The following NUMB variants were observed in gnomAD, a reference collection of about 807,000 sequenced individuals.
NUMB encodes protein numb homolog.
In NUMB, 29 loss-of-function variants were observed where a neutral mutation model predicts 59.7. The observed-to-expected ratio is 0.49, with a 90% CI of 0.36 to 0.66. The LOEUF is 0.66. NUMB is among the 30% of genes least tolerant of loss of function. The probability of loss-of-function intolerance (pLI) is 0.00; values close to 1 mark genes in which losing one functional copy is unlikely to be tolerated. For missense variants in NUMB, 723 were observed against 822.0 expected, an observed-to-expected ratio of 0.88 and a Z score of 1.47; for synonymous variants, 288 against 288.2, an observed-to-expected ratio of 1.00 and a Z score of 0.01.
At chr14:73,301,519 C>T (rs1012694751) in intron 6 of NUMB, among the ~76,000 whole-genome samples, 2 of 152,190 alleles carry the variant, frequency 1.3e-5, no homozygotes, top group Admixed American at 1.3e-4. Flanking sequence ...CTCACTGCAG[C>T]CTTGAACTCC....
rs199802944 is a variant in NUMB, at chr14:73,407,171, A to AC, written c.-101+2765dup. ...TCTTGTTTTTAAATGCAAAAAAAAA[A>AC]CAAAAAAAACAAACTCACTCCTGTC... On this transcript the variant is annotated intron_variant, in intron 2 of 12. Transcript: ENST00000555238. Among the ~76,000 whole-genome samples the AC allele has an allele frequency of 1.4e-3, 220 of 152,058 alleles. 2 individuals are homozygous for AC. The highest frequency in any genetic ancestry group is 5.2e-3 in the African/African-American group (214 of 41,504).
chr14:73,425,160 G>A (rs1897525030), intron 1 of NUMB, among the ~76,000 whole-genome samples: 1 of 152,100 alleles, frequency 6.6e-6, no homozygotes, highest in South Asian at 2.1e-4. Flanking sequence ...CATCTACACA[G>A]GTTAAACTGA....
intron 3 of NUMB, among the ~76,000 whole-genome samples, chr14:73,358,906 G>C (rs1893955007): frequency 6.6e-6 from 1 of 152,056 alleles, no homozygotes; most frequent in Admixed American, 6.6e-5. Flanking sequence ...CAAGACCAAA[G>C]AACCATCGAT....
In NUMB at chr14:73,307,728, C is replaced by CTTTT. The variant is rs34429117; in HGVS notation, c.234+8658_234+8661dup. ...TGAAGCAACATAATCGGGCCTCTGT[C>CTTTT]TTTTTTTTTTTTTTTTTTTTTTGAG... On this transcript the variant is annotated intron_variant, in intron 6 of 12. Transcript: ENST00000555238. Among the ~76,000 whole-genome samples, 144 of 95,478 alleles carry CTTTT rather than the reference C, an allele frequency of 1.5e-3. 1 individual carries two copies. The highest frequency in any genetic ancestry group is 0.013 in the Middle Eastern group (2 of 154). The allele number at this position is 95,478 out of a possible 152,430, so 62.6% of individuals were successfully genotyped here. A position where few individuals can be genotyped will look rare whatever the true frequency, so the allele number is the denominator to read the frequency against.
In NUMB at chr14:73,430,819, C is replaced by T. The variant is rs149531218; in HGVS notation, c.-232-20751G>A. On this transcript the variant is annotated intron_variant, in intron 1 of 12. Transcript: ENST00000555238. ...AATTAGCTGGGTGTGGTGGCGGGCG[C>T]CTGTAGTCCCAGCTACTGGGAAGGC... 3.1e-3 allele frequency among the ~76,000 whole-genome samples: 478 copies of T among 152,012 alleles called. 23 individuals carry two copies. In the East Asian group the frequency reaches 0.09, roughly 29 times the overall value.
At position 73,362,151 on chromosome 14, in the gene NUMB, G is replaced by A. The variant is rs137962196; in HGVS notation, c.-16+4746C>T. Among the ~76,000 whole-genome samples the A allele has an allele frequency of 3.9e-3, 593 of 152,106 alleles. 3 individuals are homozygous for A. Among genetic ancestry groups the A allele is most frequent in the Admixed American group, 6.8e-3 (104 of 15,260 alleles). On this transcript the variant is annotated intron_variant, in intron 3 of 12. Transcript: ENST00000555238. ...GTGTGCCTGTGGTCCCAGCTACTTG[G>A]GGGGCTGGGGTGGGAGGGTCACTTT...
intron 1 of NUMB, chr14:73,458,002 C>G (rs938563358): frequency 6.5e-6 from 1 of 152,860 alleles, no homozygotes; most frequent in East Asian, 1.9e-4. Flanking sequence ...CCCTGCCCCC[C>G]ACCCCGCTCT....
intron 4 of NUMB, among the ~76,000 whole-genome samples, chr14:73,347,723 G>A (rs972116108): frequency 2.0e-5 from 3 of 151,988 alleles, no homozygotes; most frequent in East Asian, 1.9e-4. Context: ...GTTTCCCTTC[G>A]ATCTCTTTGG....
At chr14:73,344,353 C>A (rs568493323) in intron 4 of NUMB, among the ~76,000 whole-genome samples, 25 of 152,312 alleles carry the variant, frequency 1.6e-4, no homozygotes, top group African/African-American at 5.1e-4. Flanking sequence ...AAGAGCTCTA[C>A]TTTCTGTGCT....
chr14:73,354,223 C>T (rs10873255), intron 4 of NUMB, among the ~76,000 whole-genome samples: 117,551 of 152,002 alleles, frequency 0.77, 45,930 homozygotes, highest in African/African-American at 0.88. Flanking sequence ...TATAAGAATA[C>T]ATAGGCCGAG....
At chr14:73,365,889 T>G (rs1315834675) in intron 3 of NUMB, among the ~76,000 whole-genome samples, 1 of 152,236 alleles carries the variant, frequency 6.6e-6, no homozygotes, top group African/African-American at 2.4e-5. Context: ...ATGGCTGAGT[T>G]CTAGTTGAAT....
chr14:73,388,968 G>A (rs1431035564), intron 2 of NUMB, among the ~76,000 whole-genome samples: 2 of 151,894 alleles, frequency 1.3e-5, no homozygotes, highest in Admixed American at 1.3e-4. Flanking sequence ...GCGTGGTGGC[G>A]GGCGCCTGCA....
chr14:73,437,718 A>G (rs989853746), intron 1 of NUMB, among the ~76,000 whole-genome samples: 1 of 152,262 alleles, frequency 6.6e-6, no homozygotes, highest in African/African-American at 2.4e-5. Flanking sequence ...ATCCAAGAAC[A>G]CATTTAAAAG....
At chr14:73,313,900 C>T (rs1890930038) in intron 6 of NUMB, among the ~76,000 whole-genome samples, 1 of 151,626 alleles carries the variant, frequency 6.6e-6, no homozygotes, top group Admixed American at 6.6e-5. Context: ...CTCTGCCTCC[C>T]AGGTTCAAGC....
At chr14:73,395,037 T>TGTGTGTGTGTGTGTGTGTG (rs1896053515) in intron 2 of NUMB, among the ~76,000 whole-genome samples, 1 of 119,922 alleles carries the variant, frequency 8.3e-6, no homozygotes, top group Non-Finnish European at 1.7e-5. Flanking sequence ...ATTCGTGTGT[T>TGTGTGTGTGTGTGTGTGTG]TGTGTGTGTG....
At chr14:73,291,959 C>T (rs1212863379) in intron 8 of NUMB, among the ~76,000 whole-genome samples, 1 of 152,202 alleles carries the variant, frequency 6.6e-6, no homozygotes, top group Non-Finnish European at 1.5e-5. Context: ...GCTGGGATTA[C>T]AGGTGTGAAC....
At chr14:73,407,987 G>A (rs1400934498) in intron 2 of NUMB, among the ~76,000 whole-genome samples, 2 of 152,168 alleles carry the variant, frequency 1.3e-5, no homozygotes, top group Non-Finnish European at 2.9e-5. Context: ...CAGCATTTTG[G>A]GAGGCCGAGG....
intron 1 of NUMB, among the ~76,000 whole-genome samples, chr14:73,445,770 T>TA (rs1292824479): frequency 2.6e-5 from 4 of 152,174 alleles, no homozygotes; most frequent in African/African-American, 9.7e-5. Flanking sequence ...AGAGTTAACT[T>TA]GCCTAAGAAA....
chr14:73,386,883 T>TTTA (rs1895562546), intron 2 of NUMB, among the ~76,000 whole-genome samples: 1 of 122,332 alleles, frequency 8.2e-6, no homozygotes, highest in African/African-American at 3.1e-5. Flanking sequence ...TTTTTTTTTT[T>TTTA]TTTTTTTTTT....
Sources: allele counts gnomAD v4.1 joint callset (sites outside exome capture counted in the v4.1 genomes callset), GRCh38; gene constraint gnomAD v4.1.1; transcripts MANE v1.5; gene names NCBI Gene and HGNC (gene_info 2026-07-23, HGNC 2026-07-21).